Variants in FKBP11 observed in about 807,000 individuals in gnomAD.
FKBP11 encodes the protein peptidyl-prolyl cis-trans isomerase FKBP11.
A neutral mutation model predicts 24.7 loss-of-function variants in FKBP11; 21 were observed. The ratio of observed to expected loss-of-function variants is 0.85; its 90% CI spans 0.60 to 1.23. FKBP11 has a LOEUF of 1.23. Ranked by LOEUF, FKBP11 falls within the 50% of genes most tolerant of loss-of-function variation. The pLI is 0.00. For missense variants in FKBP11, 245 were observed against 248.7 expected (o/e 0.99, Z 0.10); for synonymous variants, 106 against 100.6 (o/e 1.05, Z -0.32).
At chr12:48,923,244 A>G in intron 5 of FKBP11, 3 of 1,340,790 alleles carry the variant, frequency 2.2e-6, no homozygotes, top group Non-Finnish European at 1.9e-6. Flanking sequence ...AAAGATATGC[A>G]TCTTGGGAAA....
At chr12:48,924,925 G>A in intron 2 of FKBP11, 121 bp downstream of exon 2, 1 of 1,437,152 alleles carries the variant, frequency 7.0e-7, no homozygotes, top group South Asian at 1.5e-5. Flanking sequence ...CGTGCTCGAC[G>A]ACCCCAGAGC....
chr12:48,931,157 AAG>A (rs1298530751), upstream of FKBP11, among the ~76,000 whole-genome samples: 13 of 143,192 alleles, frequency 9.1e-5, 1 homozygote, highest in African/African-American at 3.7e-4. Flanking sequence ...AAAAAAAAAA[AAG>A]GCTAGTTGTG....
At chr12:48,928,044 T>C (rs1281044406), upstream of FKBP11, among the ~76,000 whole-genome samples, 2 of 1,280 alleles carry the variant, frequency 1.6e-3, no homozygotes, top group African/African-American at 3.5e-3. Context: ...GCCAGATACC[T>C]TTTTTTTTTT....
chr12:48,933,080 T>G, the FKBP11 span, among the ~76,000 whole-genome samples: 1 of 152,202 alleles, frequency 6.6e-6, no homozygotes, highest in Admixed American at 6.5e-5. Context: ...CTTCAAGCCT[T>G]GATGGTGAAT....
At chr12:48,924,742 C>A (rs1189493488) in intron 2 of FKBP11, 94 bp from the exon 3 acceptor site, 13 of 1,561,122 alleles carry the variant, frequency 8.3e-6, no homozygotes, top group Admixed American at 1.9e-5. Flanking sequence ...GGCGGCAGCC[C>A]CCTTAGTGCG....
chr12:48,925,040 C>T lies in FKBP11; in HGVS notation c.195+6G>A. ...AGGCCCCGCCCCGGCCCCCCAGACC[C>T]CTCACCGTGTAGTGTATGTGAAGCG... On this transcript the variant is annotated splice_donor_region_variant and intron_variant, in intron 2 of 5. Transcript: ENST00000550765. 1 of 1,613,372 alleles carries T rather than the reference C, an allele frequency of 6.2e-7. No homozygotes were observed. Among genetic ancestry groups the T allele is most frequent in the Non-Finnish European group, 8.5e-7 (1 of 1,179,728 alleles).
chr12:48,927,718 G>A (rs768981449), upstream of FKBP11, among the ~76,000 whole-genome samples: 1 of 152,036 alleles, frequency 6.6e-6, no homozygotes, highest in Non-Finnish European at 1.5e-5. Flanking sequence ...CCTTCCTTCT[G>A]TCTGCTATCT....
At chr12:48,923,467 G>C in intron 5 of FKBP11, 1 of 1,549,204 alleles carries the variant, frequency 6.5e-7, no homozygotes, top group Non-Finnish European at 8.7e-7. Flanking sequence ...GTAGAAAAGG[G>C]CAGGAAAGAA....
chr12:48,923,005 G>A (rs572838544), intron 5 of FKBP11: 58 of 749,200 alleles, frequency 7.7e-5, no homozygotes, highest in Admixed American at 5.5e-4. Context: ...AAAATTAGCC[G>A]GTCGTGGTGG....
chr12:48,934,661 C>T, the FKBP11 span, among the ~76,000 whole-genome samples: 2 of 152,186 alleles, frequency 1.3e-5, no homozygotes, highest in African/African-American at 4.8e-5. Flanking sequence ...AGCTAAAGTC[C>T]TCTCCCTTAT....
At chr12:48,934,739 C>T in the FKBP11 span, among the ~76,000 whole-genome samples, 3 of 151,980 alleles carry the variant, frequency 2.0e-5, no homozygotes, top group Non-Finnish European at 4.4e-5. Flanking sequence ...CCTGGCCGGG[C>T]GTGGTGGCTC....
At chr12:48,934,630 C>A in the FKBP11 span, among the ~76,000 whole-genome samples, 2 of 152,156 alleles carry the variant, frequency 1.3e-5, no homozygotes, top group Non-Finnish European at 2.9e-5. Flanking sequence ...GGTCCAAAGA[C>A]CCCCCAGTGG....
the FKBP11 span, among the ~76,000 whole-genome samples, chr12:48,932,259 ATATTTTTTTTTTTTTT>A: frequency 3.6e-3 from 105 of 28,768 alleles, no homozygotes; most frequent in East Asian, 0.01. Context: ...ATATATATAT[ATATTTTTTTTTTTTTT>A]TTTTTTTTTT....
rs780678259 is a variant in FKBP11 at position 48,925,443 on chromosome 12, C to A, written c.-15G>T. 1.3e-6 allele frequency: 2 copies of A among 1,552,246 alleles called. No individual in the cohort carries two copies. Among genetic ancestry groups the A allele is most frequent in the South Asian group, 2.4e-5 (2 of 84,576 alleles). ...CGCAGGGTCATGACTGGGCGCGGGG[C>A]AGGGAGCCGGGGCACCAGGACAGGC... On this transcript the variant is annotated 5_prime_UTR_variant, in exon 1 of 6. Coordinates refer to ENST00000550765, the MANE Select transcript of FKBP11 (RefSeq NM_016594.3).
chr12:48,923,898 C>T (rs1418277461), intron 4 of FKBP11, 46 bp from the exon 5 acceptor site: 3 of 1,574,240 alleles, frequency 1.9e-6, no homozygotes, highest in Non-Finnish European at 2.6e-6. Context: ...GAGAGGTAGG[C>T]CAGCAGCCTC....
chr12:48,932,225 A>ATT, the FKBP11 span, among the ~76,000 whole-genome samples: 185 of 38,694 alleles, frequency 4.8e-3, 5 homozygotes, highest in Middle Eastern at 0.019. Flanking sequence ...ATAAACATAT[A>ATT]TTTATATATA....
chr12:48,934,420 T>C, the FKBP11 span, among the ~76,000 whole-genome samples: 3 of 152,158 alleles, frequency 2.0e-5, no homozygotes, highest in Non-Finnish European at 2.9e-5. Flanking sequence ...GAAGATGGGA[T>C]TGCTGTTTGT....
chr12:48,931,348 G>C (rs1454839155), upstream of FKBP11: 4 of 1,365,146 alleles, frequency 2.9e-6, no homozygotes, highest in Admixed American at 6.0e-5. Flanking sequence ...AAGAGGAGTG[G>C]AGTAGGAGAA....
upstream of FKBP11, among the ~76,000 whole-genome samples, chr12:48,930,251 AT>A (rs1436690354): frequency 6.6e-6 from 1 of 152,270 alleles, no homozygotes; most frequent in Non-Finnish European, 1.5e-5. Context: ...AAGTAGCAGA[AT>A]AACAGATGTG....
Sources: gnomAD v4.1 joint callset for allele counts (sites outside exome capture counted in the v4.1 genomes callset) on GRCh38, gnomAD v4.1.1 for gene constraint, MANE v1.5 for transcripts, NCBI Gene and HGNC (gene_info 2026-07-23, HGNC 2026-07-21) for gene names.